Variants in SNED1 observed in about 807,000 individuals in gnomAD.
The protein encoded by SNED1 is sushi, nidogen and EGF like domains 1.
SNED1 carries 81 observed loss-of-function variants against 166.7 expected under a neutral mutation model. The observed-to-expected ratio is 0.49, with a 90% CI of 0.41 to 0.58. The LOEUF is 0.58. Among genes scored for constraint, SNED1 ranks in the 20% least tolerant of loss-of-function variants. SNED1 has a pLI of 0.00. For missense variants in SNED1, 1,604 were observed against 2,000.2 expected (o/e 0.80, Z 3.78); for synonymous variants, 762 against 822.0 (o/e 0.93, Z 1.25).
chr2:241,073,198 G>C lies in SNED1; in HGVS notation c.3818-68G>C. 1 of 1,163,218 alleles carries C rather than the reference G, an allele frequency of 8.6e-7. No individual in the cohort carries two copies. Among genetic ancestry groups the C allele is most frequent in the Non-Finnish European group, 1.2e-6 (1 of 803,578 alleles). 72.1% of individuals were successfully genotyped at this position (1,163,218 alleles called of 1,614,324 possible). ...CCCTGAGATATAGAAGCACTCAAAAGGGTGGCCCCAGGACCATCCCGGGTG... is the reference window on the plus strand; with the variant it reads ...CCCTGAGATATAGAAGCACTCAAAACGGTGGCCCCAGGACCATCCCGGGTG... On this transcript the variant is annotated intron_variant, in intron 26 of 31. Coordinates refer to ENST00000310397, the MANE Select transcript of SNED1 (RefSeq NM_001080437.3). This position sits in a 1 kb window ranked among gnomAD's most constrained non-coding sequence, Gnocchi z 6.6.
At chr2:240,998,053 C>G (rs1244659848), upstream of SNED1, among the ~76,000 whole-genome samples, 2 of 152,264 alleles carry the variant, frequency 1.3e-5, no homozygotes, top group Non-Finnish European at 2.9e-5. Flanking sequence ...TTGCTTTACC[C>G]AGGGGTCGCC....
Position 241,071,783 on chromosome 2 carries a change from A to G in SNED1, c.3735-13A>G. On this transcript the variant is annotated splice_polypyrimidine_tract_variant and intron_variant, in intron 25 of 31. Coordinates refer to ENST00000310397, the MANE Select transcript of SNED1 (RefSeq NM_001080437.3). ...GCGCTCGGACTGTGGTGACCCTCCC[A>G]CCCTCTCTGCAGGTTCTCGGAGCTT... 6 of 1,359,344 alleles carry G rather than the reference A, an allele frequency of 4.4e-6. No homozygotes were observed. The highest frequency in any genetic ancestry group is 1.2e-5 in the South Asian group (1 of 81,894). The allele number at this position is 1,359,344 out of a possible 1,614,324, so 84.2% of individuals were successfully genotyped here. A position where few individuals can be genotyped will look rare whatever the true frequency, so the allele number is the denominator to read the frequency against.
intron 6 of SNED1, 122 bp from the exon 7 acceptor site, chr2:241,039,953 C>A: frequency 1.3e-6 from 1 of 775,948 alleles, no homozygotes; most frequent in Non-Finnish European, 2.1e-6. Context: ...AACCTGCCTG[C>A]CAGGCCCCCC....
At chr2:241,081,256 T>G (rs1023139871) in intron 27 of SNED1, among the ~76,000 whole-genome samples, 1 of 151,580 alleles carries the variant, frequency 6.6e-6, no homozygotes, top group African/African-American at 2.4e-5. Flanking sequence ...TCACATCCAT[T>G]AGAGCACCAG....
chr2:241,051,481 C>T lies in SNED1; in HGVS notation c.1736-263C>T. On this transcript the variant is annotated intron_variant, in intron 12 of 31. Coordinates refer to ENST00000310397, the MANE Select transcript of SNED1 (RefSeq NM_001080437.3). The surrounding 1 kb of genome is among the most constrained non-coding windows in gnomAD (Gnocchi z 4.7). ...CCGGTTCTCCACAGGAAGGGCCCAG[C>T]CATTGCCAGAGCCTGGGCAGAAAAG... The T allele has an allele frequency of 2.6e-6, 1 of 378,658 alleles. No homozygotes were observed. The allele number at this position is 378,658 out of a possible 1,614,324, so 23.5% of individuals were successfully genotyped here. A position where few individuals can be genotyped will look rare whatever the true frequency, so the allele number is the denominator to read the frequency against.
Position 241,084,134 on chromosome 2 carries a change from A to ATTTTTTT in SNED1, c.4121+1783_4121+1789dup, listed in dbSNP as rs368364855. Reference sequence around the variant, plus strand: ...GTTCAATATGATGGCAGCGTCTAGGATTTTTTTTTTTTTTTTTTTGAGACA... The same window carrying ATTTTTTT: ...GTTCAATATGATGGCAGCGTCTAGGATTTTTTTTTTTTTTTTTTTTTTTTTTGAGACA... On this transcript the variant is annotated intron_variant, in intron 29 of 31. Coordinates refer to ENST00000310397, the MANE Select transcript of SNED1 (RefSeq NM_001080437.3). Among the ~76,000 whole-genome samples the ATTTTTTT allele has an allele frequency of 1.1e-3, 139 of 123,270 alleles. 4 individuals are homozygous for ATTTTTTT. The highest frequency in any genetic ancestry group is 2.8e-3 in the African/African-American group (87 of 30,984). The allele number at this position is 123,270 out of a possible 152,430, so 80.9% of individuals were successfully genotyped here.
At position 241,034,709 on chromosome 2, in the gene SNED1, GT is replaced by G; in HGVS notation, c.785del (p.Val262GlyfsTer51). Reference protein sequence around the residue: ...AFRIDDAQVRVGGCGHTTSVC... With the variant: ...AFRIDDAQVRXGGCGHTTSVC... Reference sequence around the variant, plus strand: ...CAGAATCGATGATGCCCAGGTGCGCGTGGGGGGCTGCGGCCATACAAGTAAG... The same window carrying G: ...CAGAATCGATGATGCCCAGGTGCGCGGGGGGGCTGCGGCCATACAAGTAAG... On this transcript the variant is annotated frameshift_variant, in exon 4 of 32. Transcript: ENST00000310397. LOFTEE classifies it high-confidence loss of function. The G allele has an allele frequency of 6.3e-7, 1 of 1,580,692 alleles. No individual in the cohort carries two copies. The highest frequency in any genetic ancestry group is 8.6e-7 in the Non-Finnish European group (1 of 1,163,954).
At chr2:241,087,608 C>T (rs1385925122) in intron 30 of SNED1, 133 bp downstream of exon 30, 1 of 1,445,026 alleles carries the variant, frequency 6.9e-7, no homozygotes, top group African/African-American at 1.4e-5. Context: ...ATAGGCAGCC[C>T]CTGGGCAGCC....
At chr2:241,079,336 C>T (rs1369230628) in intron 27 of SNED1, among the ~76,000 whole-genome samples, 2 of 150,598 alleles carry the variant, frequency 1.3e-5, no homozygotes, top group African/African-American at 4.9e-5. Flanking sequence ...GGCATGAACC[C>T]AGGAGGCGGA....
At chr2:241,009,224 C>T (rs2060312598) in intron 1 of SNED1, among the ~76,000 whole-genome samples, 1 of 152,156 alleles carries the variant, frequency 6.6e-6, no homozygotes. Flanking sequence ...GAGGAGGCCC[C>T]TCCCTCTGAG....
At chr2:241,052,581 G>T in intron 15 of SNED1, 113 bp downstream of exon 15, 1 of 870,688 alleles carries the variant, frequency 1.1e-6, no homozygotes. Context: ...AGGTGAGAGG[G>T]CCAGGGGGCC....
At chr2:241,037,169 A>C (rs369093017) in intron 5 of SNED1, 71 bp from the exon 6 acceptor site, 6 of 1,341,248 alleles carry the variant, frequency 4.5e-6, no homozygotes, top group East Asian at 2.5e-5. Flanking sequence ...CCCCGGCCCA[A>C]CCCGAGCCCT....
At position 241,035,485 on chromosome 2, in the gene SNED1, T is replaced by TG. The variant is rs573144642; in HGVS notation, c.805+759dup. ...GCCTTCAGAAATCACTGCTTACACTTGGGGCGAGGGCAAGCGACTGATCCG... is the reference window on the plus strand; with the variant it reads ...GCCTTCAGAAATCACTGCTTACACTTGGGGGCGAGGGCAAGCGACTGATCCG... On this transcript the variant is annotated intron_variant, in intron 4 of 31. Transcript: ENST00000310397. 1,285 of 152,260 alleles carry TG rather than the reference T, an allele frequency of 8.4e-3. 4 individuals carry two copies. The highest frequency in any genetic ancestry group is 0.015 in the Admixed American group (233 of 15,286). 9.4% of individuals were successfully genotyped at this position (152,260 alleles called of 1,614,324 possible). A position where few individuals can be genotyped will look rare whatever the true frequency, so the allele number is the denominator to read the frequency against.
rs192702409 is a variant in SNED1 at position 241,015,107 on chromosome 2, A to G, written c.214-15177A>G. Among the ~76,000 whole-genome samples, 198 of 152,342 alleles carry G rather than the reference A, an allele frequency of 1.3e-3. 1 individual carries two copies. The highest frequency in any genetic ancestry group is 3.1e-4 in the Non-Finnish European group (21 of 68,036). ...TATTTTGGACTTTGCATTTTCACATAAAATGTAGAATTGGCTTATCAAGTT... is the reference window on the plus strand; with the variant it reads ...TATTTTGGACTTTGCATTTTCACATGAAATGTAGAATTGGCTTATCAAGTT... On this transcript the variant is annotated intron_variant, in intron 1 of 31. Transcript: ENST00000310397.
In SNED1 at chr2:241,068,092, G is replaced by A; in HGVS notation, c.3194+145G>A. On this transcript the variant is annotated intron_variant, in intron 22 of 31. Coordinates refer to ENST00000310397, the MANE Select transcript of SNED1 (RefSeq NM_001080437.3). The surrounding 1 kb of genome is among the most constrained non-coding windows in gnomAD (Gnocchi z 5.3). ...ACCTGAGCGGAGACAAAGGTCTCAG[G>A]TGAGCCAGCCTCAGACCCTGGAGGC... is the stretch of plus-strand genomic sequence containing the variant. 1 of 788,674 alleles carries A rather than the reference G, an allele frequency of 1.3e-6. No individual in the cohort carries two copies. Among genetic ancestry groups the A allele is most frequent in the Non-Finnish European group, 2.0e-6 (1 of 504,194 alleles). 48.9% of individuals were successfully genotyped at this position (788,674 alleles called of 1,614,324 possible).
Position 241,070,130 on chromosome 2 carries a change from C to T in SNED1, c.3518C>T (p.Ser1173Phe), listed in dbSNP as rs1553583716. ...DLLPGRRYQL[S>F]VIAVQSTELG... ...CTGCCGGGACGGCGGTACCAGCTCT[C>T]TGTGATAGCAGTGCAGAGCACGGAG... Residue 1173 changes from serine to phenylalanine, a missense_variant, in exon 24 of 32, where the codon TCT becomes TTT. This residue lies in a region of SNED1 where 367 missense variants were observed against 379.4 expected (regional missense o/e 0.97). Coordinates refer to ENST00000310397, the MANE Select transcript of SNED1 (RefSeq NM_001080437.3). 6.2e-7 allele frequency: 1 copy of T among 1,612,382 alleles called. No individual in the cohort carries two copies. The highest frequency in any genetic ancestry group is 1.7e-5 in the Admixed American group (1 of 59,964).
At chr2:241,028,751 T>C (rs2061062968) in intron 1 of SNED1, among the ~76,000 whole-genome samples, 1 of 152,240 alleles carries the variant, frequency 6.6e-6, no homozygotes. Context: ...CAAGATTGTT[T>C]TGACTACTCT....
chr2:240,998,852 C>T lies in SNED1; in HGVS notation c.15C>T (p.Val5=), dbSNP rs1574816774. 1.7e-6 allele frequency: 2 copies of T among 1,202,996 alleles called. No homozygotes were observed. The highest frequency in any genetic ancestry group is 2.1e-6 in the Non-Finnish European group (2 of 972,290). 74.5% of individuals were successfully genotyped at this position (1,202,996 alleles called of 1,614,324 possible). A position where few individuals can be genotyped will look rare whatever the true frequency, so the allele number is the denominator to read the frequency against. ...ACACCTCCGCGATGCGGCACGGCGT[C>T]GCCTGGGCGCTGCTGGTGGCCGCGG... The part of the protein sequence containing the change: MRHG[V]AWALLVAAAL... Residue 5 remains valine (V), a synonymous_variant, in exon 1 of 32, where the codon GTC becomes GTT. Transcript: ENST00000310397.
intron 3 of SNED1, 23 bp downstream of exon 3, chr2:241,033,898 C>A (rs755286001): frequency 1.5e-5 from 24 of 1,576,648 alleles, no homozygotes; most frequent in Non-Finnish European, 2.0e-5. Context: ...AGTCGGTGCT[C>A]TGTGTTCAGA....
Sources: gnomAD v4.1 joint callset for allele counts (sites outside exome capture counted in the v4.1 genomes callset) on GRCh38, gnomAD v4.1.1 for gene constraint, gnomAD v4.1.1 regional missense constraint, Gnocchi (gnomAD v3.1) non-coding constraint, MANE v1.5 for transcripts, NCBI Gene and HGNC (gene_info 2026-07-23, HGNC 2026-07-21) for gene names.